Variants in PKNOX1 observed in about 807,000 individuals in gnomAD.
The protein encoded by PKNOX1 is homeobox protein PKNOX1.
Under a neutral mutation model 51.9 loss-of-function variants are expected in PKNOX1, and 15 were observed. The observed-to-expected ratio is 0.29, with a 90% CI of 0.19 to 0.45. The LOEUF (loss-of-function observed/expected upper bound fraction) is 0.45, where lower values mean the gene tolerates loss of function less well. Among genes scored for constraint, PKNOX1 ranks in the 20% least tolerant of loss-of-function variants. The pLI is 1.00. For synonymous variants in PKNOX1, 219 were observed against 211.1 expected (o/e 1.04, Z -0.32); for missense variants, 462 against 547.5 (o/e 0.84, Z 1.56).
chr21:42,988,173 C>T (rs888706028), intron 1 of PKNOX1, among the ~76,000 whole-genome samples: 1 of 152,104 alleles, frequency 6.6e-6, no homozygotes, highest in Non-Finnish European at 1.5e-5. Context: ...CCCTCCTCAG[C>T]CTCTTGAGTA....
intron 1 of PKNOX1, among the ~76,000 whole-genome samples, chr21:42,989,631 CT>C (rs2059075245): frequency 6.6e-6 from 1 of 152,058 alleles, no homozygotes; most frequent in Non-Finnish European, 1.5e-5. Flanking sequence ...GTTGGCCAGG[CT>C]GGTCTTGAAC....
chr21:42,976,538 A>T (rs766931272), intron 1 of PKNOX1, among the ~76,000 whole-genome samples: 1 of 152,244 alleles, frequency 6.6e-6, no homozygotes, highest in Non-Finnish European at 1.5e-5. Context: ...GTTGGAGGCT[A>T]TTCTCAAACT....
At chr21:43,011,904 CT>C (rs1979272075) in intron 4 of PKNOX1, among the ~76,000 whole-genome samples, 1 of 152,194 alleles carries the variant, frequency 6.6e-6, no homozygotes, top group African/African-American at 2.4e-5. Context: ...CTCTCCACCC[CT>C]GAGTCTGTGG....
At position 43,031,758 on chromosome 21, in the gene PKNOX1, TATTA is replaced by T. The variant is rs1485811362; in HGVS notation, c.*1661_*1664del. On this transcript the variant is annotated 3_prime_UTR_variant, in exon 11 of 11. Coordinates refer to ENST00000291547, the MANE Select transcript of PKNOX1 (RefSeq NM_004571.5). ...GGAATTGATTTTTCCCAAAAGAATA[TATTA>T]ATTGAGGTTAAGAAGTCAGTGGGAA... The T allele has an allele frequency of 6.3e-6, 1 of 157,866 alleles. No homozygotes were observed. The highest frequency in any genetic ancestry group is 1.4e-5 in the Non-Finnish European group (1 of 71,252). 9.8% of individuals were successfully genotyped at this position (157,866 alleles called of 1,614,324 possible).
Position 43,028,762 on chromosome 21 carries a change from C to T in PKNOX1, c.987C>T (p.Thr329=), listed in dbSNP as rs937769247. ...TGTTGGATTCAAGTTGTTCAGAGAC[C>T]CCCAAAACAAAGAAAAAAACTGCTC... ...QPMLDSSCSE[T]PKTKKKTAQN... Residue 329 remains threonine, a synonymous_variant, in exon 10 of 11, where the codon ACC becomes ACT. Coordinates refer to ENST00000291547, the MANE Select transcript of PKNOX1 (RefSeq NM_004571.5). 1.2e-6 allele frequency: 2 copies of T among 1,614,054 alleles called. No homozygotes were observed. The highest frequency in any genetic ancestry group is 1.7e-6 in the Non-Finnish European group (2 of 1,179,982).
intron 1 of PKNOX1, among the ~76,000 whole-genome samples, chr21:42,996,777 A>C (rs1978522897): frequency 6.6e-6 from 1 of 152,160 alleles, no homozygotes; most frequent in African/African-American, 2.4e-5. Context: ...TCTGTTGCCC[A>C]GGCTGGTCTT....
rs775835572 is a variant in PKNOX1 at position 43,018,227 on chromosome 21, C to T, written c.717C>T (p.Ser239=). 27 of 1,610,584 alleles carry T rather than the reference C, an allele frequency of 1.7e-5. No individual in the cohort carries two copies. The highest frequency in any genetic ancestry group is 2.3e-5 in the Non-Finnish European group (27 of 1,176,980). Residue 239 remains serine (S), a synonymous_variant, in exon 7 of 11, where the codon TCC becomes TCT. Coordinates refer to ENST00000291547, the MANE Select transcript of PKNOX1 (RefSeq NM_004571.5). The part of the protein sequence containing the change: ...LSPGTIRIQN[S]QLQLQLNQDL... ...CTGGGACAATTAGGATCCAGAACTCCCAGGTGCGTGCGCCATTTTATGGAA... is the reference window on the plus strand; with the variant it reads ...CTGGGACAATTAGGATCCAGAACTCTCAGGTGCGTGCGCCATTTTATGGAA...
intron 8 of PKNOX1, among the ~76,000 whole-genome samples, chr21:43,022,702 ATT>A (rs1239473773): frequency 6.6e-6 from 1 of 152,154 alleles, no homozygotes; most frequent in Non-Finnish European, 1.5e-5. Flanking sequence ...AAACGGAAAG[ATT>A]TGTGTGTAAG....
intron 1 of PKNOX1, among the ~76,000 whole-genome samples, chr21:42,997,848 C>T (rs1177452307): frequency 6.6e-6 from 1 of 152,120 alleles, no homozygotes; most frequent in Non-Finnish European, 1.5e-5. Context: ...GAGAACCTGG[C>T]ATGCTGGGGA....
intron 7 of PKNOX1, among the ~76,000 whole-genome samples, chr21:43,019,427 T>G (rs1979659538): frequency 1.3e-5 from 2 of 150,630 alleles, no homozygotes; most frequent in South Asian, 4.2e-4. Flanking sequence ...AAACACACAT[T>G]TTTTTGAGAC....
rs1306511029 is a variant in PKNOX1 at position 43,021,905 on chromosome 21, G to A, written c.849+474G>A. Among the ~76,000 whole-genome samples, 6 of 152,224 alleles carry A rather than the reference G, an allele frequency of 3.9e-5. No homozygotes were observed. The highest frequency in any genetic ancestry group is 4.1e-4 in the South Asian group (2 of 4,836). The stretch of plus-strand genomic sequence containing the variant: ...CAGGGCGCGCCGTTTTGCCCAGCAC[G>A]TGTGCACCCGGCTTCCTCCCCCGGG... On this transcript the variant is annotated intron_variant, in intron 8 of 10. Coordinates refer to ENST00000291547, the MANE Select transcript of PKNOX1 (RefSeq NM_004571.5). The surrounding 1 kb of genome is among the most constrained non-coding windows in gnomAD (Gnocchi z 4.6).
At chr21:42,987,382 CAAAAAAAAA>C (rs1181890321) in intron 1 of PKNOX1, among the ~76,000 whole-genome samples, 2 of 47,876 alleles carry the variant, frequency 4.2e-5, no homozygotes, top group African/African-American at 1.0e-4. Context: ...AACTCCCTCT[CAAAAAAAAA>C]AAAAAAAAAA....
chr21:43,018,027 A>G, intron 6 of PKNOX1, 106 bp from the exon 7 acceptor site: 2 of 672,266 alleles, frequency 3.0e-6, no homozygotes, highest in Non-Finnish European at 2.5e-6. Flanking sequence ...CTGGGCAACA[A>G]AGCAATGTCC....
chr21:42,981,181 G>T lies in PKNOX1; in HGVS notation c.-57+6517G>T, dbSNP rs995594642. Among the ~76,000 whole-genome samples the T allele has an allele frequency of 2.6e-5, 4 of 152,212 alleles. No individual in the cohort carries two copies. In the East Asian group the frequency reaches 7.7e-4, roughly 29 times the overall value. ...ACTGTTCAGGAGGACATGTAGAGTGGACATATCACATAGAAGAAGGTCAGT... is the reference window on the plus strand; with the variant it reads ...ACTGTTCAGGAGGACATGTAGAGTGTACATATCACATAGAAGAAGGTCAGT... On this transcript the variant is annotated intron_variant, in intron 1 of 10. Transcript: ENST00000291547.
At chr21:43,017,033 C>G in intron 6 of PKNOX1, 26 bp downstream of exon 6, 1 of 1,481,930 alleles carries the variant, frequency 6.7e-7, no homozygotes, top group Non-Finnish European at 9.4e-7. Context: ...AATGGACACA[C>G]TCTCCATGAG....
Position 43,007,627 on chromosome 21 carries a change from CG to C in PKNOX1, c.179+13del. On this transcript the variant is annotated intron_variant, in intron 3 of 10. Coordinates refer to ENST00000291547, the MANE Select transcript of PKNOX1 (RefSeq NM_004571.5). ...AAGCAGGCCATTTATAGGTAGTGCC[CG>C]GGGTGCCGGCTGTGGGGGCCTCAGA... The C allele has an allele frequency of 6.2e-7, 1 of 1,613,948 alleles. No individual in the cohort carries two copies. Among genetic ancestry groups the C allele is most frequent in the Non-Finnish European group, 8.5e-7 (1 of 1,179,936 alleles).
chr21:43,006,348 A>T (rs1978987094), intron 2 of PKNOX1, among the ~76,000 whole-genome samples: 1 of 151,490 alleles, frequency 6.6e-6, no homozygotes, highest in African/African-American at 2.4e-5. Context: ...CTGATCTTGA[A>T]CCCCTGACCT....
chr21:42,991,264 A>C (rs1380803739), intron 1 of PKNOX1, among the ~76,000 whole-genome samples: 1 of 151,832 alleles, frequency 6.6e-6, no homozygotes, highest in East Asian at 1.9e-4. Flanking sequence ...AGGTGGGAGG[A>C]TCGCTTGAAG....
At chr21:42,985,666 T>G (rs557540113) in intron 1 of PKNOX1, among the ~76,000 whole-genome samples, 10 of 152,174 alleles carry the variant, frequency 6.6e-5, no homozygotes, top group African/African-American at 2.2e-4. Context: ...GAATTTAAAT[T>G]TACCAGCTGT....
Sources: gnomAD v4.1 joint callset for allele counts (sites outside exome capture counted in the v4.1 genomes callset) on GRCh38, gnomAD v4.1.1 for gene constraint, Gnocchi (gnomAD v3.1) non-coding constraint, MANE v1.5 for transcripts, NCBI Gene and HGNC (gene_info 2026-07-23, HGNC 2026-07-21) for gene names.